Variants in SLC35B3 observed in about 807,000 individuals in gnomAD.
SLC35B3 encodes the protein solute carrier family 35 member B3.
Under a neutral mutation model 44.1 loss-of-function variants are expected in SLC35B3, and 35 were observed. That is an observed-to-expected ratio of 0.79 (90% CI 0.61 to 1.05). SLC35B3 has a LOEUF of 1.05. Among genes scored for constraint, SLC35B3 ranks in the 50% least tolerant of loss-of-function variants. The probability of loss-of-function intolerance (pLI) is 0.00; values close to 1 mark genes in which losing one functional copy is unlikely to be tolerated. For synonymous variants in SLC35B3, 146 were observed against 167.3 expected (o/e 0.87, Z 0.98); for missense variants, 414 against 476.4 (o/e 0.87, Z 1.22).
At position 8,422,484 on chromosome 6, in the gene SLC35B3, C is replaced by T; in HGVS notation, c.560G>A (p.Gly187Glu). The change falls in exon 5 of 11, where the codon GGA (glycine) becomes GAA (glutamate). Residue 187 changes from glycine (G) to glutamate (E), a missense_variant. By Grantham distance (98) the Gly-to-Glu change is moderately conservative. Transcript: ENST00000644923. ...CATTACTATACCTTGAATAAAAACT[C>T]CTCCTAGCATAACAGGAATCAATTT... The T allele has an allele frequency of 6.2e-7, 1 of 1,612,834 alleles. No individual in the cohort carries two copies. Among genetic ancestry groups the T allele is most frequent in the Non-Finnish European group, 8.5e-7 (1 of 1,179,204 alleles).
Position 8,433,905 on chromosome 6 carries a change from A to G in SLC35B3, c.3+480T>C, listed in dbSNP as rs2113577704. Reference sequence around the variant, plus strand: ...TGACTGATACTAACCATCATCTAAAAAAAAAAATGGGCCAAACTCCTTGTG... The same window carrying G: ...TGACTGATACTAACCATCATCTAAAGAAAAAAATGGGCCAAACTCCTTGTG... On this transcript the variant is annotated intron_variant, in intron 2 of 10. Transcript: ENST00000644923. This position sits in a 1 kb window ranked among gnomAD's most constrained non-coding sequence, Gnocchi z 4.1. Among the ~76,000 whole-genome samples, 1 of 151,772 alleles carries G rather than the reference A, an allele frequency of 6.6e-6. No homozygotes were observed. The highest frequency in any genetic ancestry group is 2.4e-5 in the African/African-American group (1 of 41,322).
intron 10 of SLC35B3, among the ~76,000 whole-genome samples, chr6:8,413,916 A>G (rs1762185674): frequency 1.3e-5 from 2 of 152,142 alleles, no homozygotes; most frequent in African/African-American, 4.8e-5. Flanking sequence ...ATAAAGAAAG[A>G]TATTTTACAA....
At position 8,434,145 on chromosome 6, in the gene SLC35B3, C is replaced by T. The variant is rs1400292106; in HGVS notation, c.3+240G>A. Among the ~76,000 whole-genome samples, 1 of 151,686 alleles carries T rather than the reference C, an allele frequency of 6.6e-6. No individual in the cohort carries two copies. The highest frequency in any genetic ancestry group is 1.5e-5 in the Non-Finnish European group (1 of 67,978). On this transcript the variant is annotated intron_variant, in intron 2 of 10. Coordinates refer to ENST00000644923, the MANE Select transcript of SLC35B3 (RefSeq NM_001370476.2). This position sits in a 1 kb window ranked among gnomAD's most constrained non-coding sequence, Gnocchi z 6.3. ...CTGCTAAAATGGAATAAAAAGGTAG[C>T]ATTTCCGGCATACAATGTATATTTA... is the stretch of plus-strand genomic sequence containing the variant.
chr6:8,434,262 A>G lies in SLC35B3; in HGVS notation c.3+123T>C, dbSNP rs1346613272. Reference sequence around the variant, plus strand: ...TTTTGAGTTTTCCGACCTGAAGGACAAAAGTCCCACACCAAAAAAAGGTAG... The same window carrying G: ...TTTTGAGTTTTCCGACCTGAAGGACGAAAGTCCCACACCAAAAAAAGGTAG... On this transcript the variant is annotated intron_variant, in intron 2 of 10. Coordinates refer to ENST00000644923, the MANE Select transcript of SLC35B3 (RefSeq NM_001370476.2). The surrounding 1 kb of genome is among the most constrained non-coding windows in gnomAD (Gnocchi z 6.3). 1.0e-5 allele frequency: 9 copies of G among 889,350 alleles called. No homozygotes were observed. Among genetic ancestry groups the G allele is most frequent in the Non-Finnish European group, 1.4e-5 (8 of 553,728 alleles). The allele number at this position is 889,350 out of a possible 1,614,324, so 55.1% of individuals were successfully genotyped here. A position where few individuals can be genotyped will look rare whatever the true frequency, so the allele number is the denominator to read the frequency against.
At chr6:8,427,902 A>AT (rs151022001) in intron 4 of SLC35B3, 35 bp downstream of exon 3, 3 of 1,544,804 alleles carry the variant, frequency 1.9e-6, no homozygotes, top group Non-Finnish European at 2.6e-6. Flanking sequence ...TTCAACTAAT[A>AT]TAGAAATATC....
In SLC35B3 at chr6:8,413,294, G is replaced by T; in HGVS notation, c.*255C>A. 3.0e-6 allele frequency: 1 copy of T among 333,996 alleles called. No individual in the cohort carries two copies. Among genetic ancestry groups the T allele is most frequent in the Non-Finnish European group, 5.4e-6 (1 of 184,698 alleles). 20.7% of individuals were successfully genotyped at this position (333,996 alleles called of 1,614,324 possible). On this transcript the variant is annotated 3_prime_UTR_variant, in exon 11 of 11. Transcript: ENST00000644923. ...TTTCCAGTGAAATTCTCAATAAACT[G>T]CTAGGAATTACAGTCCTTCATATTG... is the stretch of plus-strand genomic sequence containing the variant.
rs987893820 is a variant in SLC35B3 at position 8,434,608 on chromosome 6, G to C, written c.-43-178C>G. Reference sequence around the variant, plus strand: ...TATTAAGTAATTAAGTAAAAATAACGCTGTCTAAATTATTTTGAAATGCTG... The same window carrying C: ...TATTAAGTAATTAAGTAAAAATAACCCTGTCTAAATTATTTTGAAATGCTG... On this transcript the variant is annotated intron_variant, in intron 1 of 10. Transcript: ENST00000644923. The surrounding 1 kb of genome is among the most constrained non-coding windows in gnomAD (Gnocchi z 6.3). Among the ~76,000 whole-genome samples, 4 of 151,854 alleles carry C rather than the reference G, an allele frequency of 2.6e-5. No individual in the cohort carries two copies. The highest frequency in any genetic ancestry group is 2.6e-4 in the Admixed American group (4 of 15,252).
intron 5 of SLC35B3, 50 bp downstream of exon 4, chr6:8,422,420 T>C: frequency 6.5e-6 from 9 of 1,374,976 alleles, no homozygotes; most frequent in Non-Finnish European, 9.2e-6. Flanking sequence ...CTAGATGCCA[T>C]AACATAGCCT....
chr6:8,429,874 C>T lies in SLC35B3; in HGVS notation c.287G>A (p.Gly96Glu). 6.3e-7 allele frequency: 1 copy of T among 1,578,934 alleles called. No individual in the cohort carries two copies. The highest frequency in any genetic ancestry group is 1.1e-5 in the South Asian group (1 of 87,342). Reference sequence around the variant, plus strand: ...ATATAACTTTTTTACCTGTAAATACCCATAAATTAGGTAAAATACAAAAAC... The same window carrying T: ...ATATAACTTTTTTACCTGTAAATACTCATAAATTAGGTAAAATACAAAAAC... The change falls in exon 3 of 11, where the codon GGG becomes GAG. Residue 96 changes from glycine (G) to glutamate (E), a missense_variant. Gly to Glu is a moderately conservative substitution (Grantham distance 98, BLOSUM62 -2). Transcript: ENST00000644923.
In SLC35B3 at chr6:8,435,436, C is replaced by T. The variant is rs1202357051; in HGVS notation, c.-137G>A. 2 of 1,259,122 alleles carry T rather than the reference C, an allele frequency of 1.6e-6. No individual in the cohort carries two copies. The highest frequency in any genetic ancestry group is 2.1e-6 in the Non-Finnish European group (2 of 963,120). 78.0% of individuals were successfully genotyped at this position (1,259,122 alleles called of 1,614,324 possible). On this transcript the variant is annotated 5_prime_UTR_variant, in exon 1 of 11. Coordinates refer to ENST00000644923, the MANE Select transcript of SLC35B3 (RefSeq NM_001370476.2). The surrounding 1 kb of genome is among the most constrained non-coding windows in gnomAD (Gnocchi z 5.5). ...TCCCCCTCCCCTGGTCCGTCGCCAT[C>T]ACCTCCTCTTCCTCCTCCTCCTCGC...
In SLC35B3 at chr6:8,430,082, C is replaced by T. The variant is rs1229812252; in HGVS notation, c.79G>A (p.Glu27Lys). Reference sequence around the variant, plus strand: ...AGATCCATTGTTATTTTGCTGCATTCAATGCTTTCAGAGTTATTTTTGTTG... The same window carrying T: ...AGATCCATTGTTATTTTGCTGCATTTAATGCTTTCAGAGTTATTTTTGTTG... The change falls in exon 3 of 11, where the codon GAA becomes AAA. Residue 27 changes from glutamate to lysine, a missense_variant. Coordinates refer to ENST00000644923, the MANE Select transcript of SLC35B3 (RefSeq NM_001370476.2). 6.2e-7 allele frequency: 1 copy of T among 1,613,396 alleles called. No homozygotes were observed. Among genetic ancestry groups the T allele is most frequent in the African/African-American group, 1.3e-5 (1 of 74,884 alleles).
intron 4 of SLC35B3, among the ~76,000 whole-genome samples, chr6:8,422,827 T>G (rs1029304325): frequency 6.6e-6 from 1 of 152,196 alleles, no homozygotes; most frequent in Non-Finnish European, 1.5e-5. Context: ...TTACCTTTAT[T>G]TAGTCAATCA....
intron 10 of SLC35B3, 69 bp downstream of exon 9, chr6:8,414,839 A>C: frequency 1.2e-6 from 1 of 807,490 alleles, no homozygotes; most frequent in Non-Finnish European, 1.9e-6. Context: ...GTTGAAATTA[A>C]GATTAAGAGG....
Position 8,434,271 on chromosome 6 carries a change from A to T in SLC35B3, c.3+114T>A. The T allele has an allele frequency of 1.0e-6, 1 of 981,984 alleles. No individual in the cohort carries two copies. Among genetic ancestry groups the T allele is most frequent in the Non-Finnish European group, 1.6e-6 (1 of 631,548 alleles). The allele number at this position is 981,984 out of a possible 1,614,324, so 60.8% of individuals were successfully genotyped here. On this transcript the variant is annotated intron_variant, in intron 2 of 10. Transcript: ENST00000644923. The surrounding 1 kb of genome is among the most constrained non-coding windows in gnomAD (Gnocchi z 6.3). ...TTCCGACCTGAAGGACAAAAGTCCC[A>T]CACCAAAAAAAGGTAGAATATGAAA...
rs768014543 is a variant in SLC35B3, at chr6:8,432,885, C to A, written c.3+1500G>T. Among the ~76,000 whole-genome samples, 4 of 152,162 alleles carry A rather than the reference C, an allele frequency of 2.6e-5. No individual in the cohort carries two copies. Among genetic ancestry groups the A allele is most frequent in the Non-Finnish European group, 5.9e-5 (4 of 68,030 alleles). On this transcript the variant is annotated intron_variant, in intron 2 of 10. Transcript: ENST00000644923. The surrounding 1 kb of genome is among the most constrained non-coding windows in gnomAD (Gnocchi z 4.8). ...TTCTCTCCTGAGATCCAGAGCTCTA[C>A]GTCTAAATGCTTCTTTGATACCTCT...
intron 10 of SLC35B3, 133 bp downstream of exon 9, chr6:8,414,775 C>CT (rs1420509788): frequency 2.0e-5 from 9 of 448,468 alleles, no homozygotes; most frequent in Non-Finnish European, 3.5e-5. Flanking sequence ...AAAAAAACCA[C>CT]ATTAATTTAT....
intron 2 of SLC35B3, among the ~76,000 whole-genome samples, chr6:8,431,239 G>A (rs1187320426): frequency 6.6e-6 from 1 of 152,168 alleles, no homozygotes; most frequent in Non-Finnish European, 1.5e-5. Flanking sequence ...AAAAGAAAAA[G>A]TTATTTTCTT....
At position 8,433,088 on chromosome 6, in the gene SLC35B3, T is replaced by C. The variant is rs559269294; in HGVS notation, c.3+1297A>G. Among the ~76,000 whole-genome samples the C allele has an allele frequency of 1.3e-5, 2 of 152,328 alleles. No homozygotes were observed. The highest frequency in any genetic ancestry group is 4.1e-4 in the South Asian group (2 of 4,832). ...AATCTTTCCTTTTCCTCACATTCTATATTTTGCCAAGATTCCTGTTAACTC... is the reference window on the plus strand; with the variant it reads ...AATCTTTCCTTTTCCTCACATTCTACATTTTGCCAAGATTCCTGTTAACTC... On this transcript the variant is annotated intron_variant, in intron 2 of 10. Transcript: ENST00000644923. The surrounding 1 kb of genome is among the most constrained non-coding windows in gnomAD (Gnocchi z 4.1).
chr6:8,417,585 C>T, intron 7 of SLC35B3, 91 bp from the exon 7 acceptor site: 1 of 631,074 alleles, frequency 1.6e-6, no homozygotes. Context: ...ATTAGGTTTG[C>T]AGAACAAACA....
Sources: allele counts gnomAD v4.1 joint callset (sites outside exome capture counted in the v4.1 genomes callset), GRCh38; gene constraint gnomAD v4.1.1; non-coding constraint Gnocchi (gnomAD v3.1); transcripts MANE v1.5; gene names NCBI Gene and HGNC (gene_info 2026-07-23, HGNC 2026-07-21).